The following CMIP variants were observed in gnomAD, a reference collection of about 807,000 sequenced individuals.
CMIP encodes the protein C-Maf-inducing protein.
CMIP carries 13 observed loss-of-function variants against 97.3 expected under a neutral mutation model. That is an observed-to-expected ratio of 0.13 (90% confidence interval 0.09 to 0.21). The LOEUF (loss-of-function observed/expected upper bound fraction) is 0.21. Among genes scored for constraint, CMIP ranks in the 10% least tolerant of loss-of-function variants. The pLI is 1.00. For synonymous variants in CMIP, 538 were observed against 436.3 expected (o/e 1.23, Z -2.91); for missense variants, 847 against 1,024.9 (o/e 0.83, Z 2.37).
chr16:81,677,535 G>C lies in CMIP; in HGVS notation c.1035-740G>C, dbSNP rs143759207. 4.1e-3 allele frequency among the ~76,000 whole-genome samples: 628 copies of C among 152,284 alleles called. 5 individuals are homozygous for C. The highest frequency in any genetic ancestry group is 0.024 in the Admixed American group (373 of 15,292). ...GCACGTTGGGAAGCAGTCAGAGGAG[G>C]GGCTTTAACCAGGTCAAGGCTCTGA... On this transcript the variant is annotated intron_variant, in intron 9 of 20. Coordinates refer to ENST00000537098, the MANE Select transcript of CMIP (RefSeq NM_198390.3).
At chr16:81,567,165 T>A (rs565835436) in intron 1 of CMIP, among the ~76,000 whole-genome samples, 1 of 152,250 alleles carries the variant, frequency 6.6e-6, no homozygotes, top group Admixed American at 6.5e-5. Context: ...TTCGGAGCCA[T>A]GTGTCCGGCT....
intron 1 of CMIP, among the ~76,000 whole-genome samples, chr16:81,594,570 CTG>C (rs1350081431): frequency 1.3e-5 from 2 of 152,094 alleles, no homozygotes; most frequent in Non-Finnish European, 2.9e-5. Context: ...CCTATATACA[CTG>C]TGTTTTTTCC....
At chr16:81,693,673 T>C (rs1906371112) in intron 13 of CMIP, among the ~76,000 whole-genome samples, 186 bp downstream of exon 13, 2 of 152,206 alleles carry the variant, frequency 1.3e-5, no homozygotes. Context: ...AGTGTTTTAC[T>C]GTAAACGCCG....
At chr16:81,549,197 G>C (rs2090606525) in intron 1 of CMIP, among the ~76,000 whole-genome samples, 1 of 152,250 alleles carries the variant, frequency 6.6e-6, no homozygotes, top group South Asian at 2.1e-4. Context: ...AGGATGAGGA[G>C]GGAGCCGGTC....
chr16:81,620,816 A>G (rs1316771858), intron 2 of CMIP, 60 bp from the exon 3 acceptor site: 38 of 1,604,784 alleles, frequency 2.4e-5, no homozygotes, highest in Non-Finnish European at 3.1e-5. Flanking sequence ...TGGCCTTGAA[A>G]TGCCCTGAGA....
chr16:81,606,555 G>T (rs149477652), intron 1 of CMIP, among the ~76,000 whole-genome samples: 2 of 152,034 alleles, frequency 1.3e-5, no homozygotes, highest in Non-Finnish European at 2.9e-5. Flanking sequence ...ATCTTGCCCC[G>T]CCCCTACTCC....
intron 1 of CMIP, among the ~76,000 whole-genome samples, chr16:81,594,602 G>T (rs967851922): frequency 1.6e-4 from 25 of 151,814 alleles, no homozygotes; most frequent in African/African-American, 5.3e-4. Context: ...ATATACCTAT[G>T]ATAAAGTTTT....
chr16:81,704,138 C>T (rs1206147557), intron 18 of CMIP, 53 bp downstream of exon 18: 1 of 1,519,918 alleles, frequency 6.6e-7, no homozygotes, highest in Non-Finnish European at 8.9e-7. Context: ...TTCACCTCTG[C>T]ACTCTCCTCC....
At chr16:81,579,890 A>C (rs886735924) in intron 1 of CMIP, among the ~76,000 whole-genome samples, 1 of 152,204 alleles carries the variant, frequency 6.6e-6, no homozygotes, top group East Asian at 1.9e-4. Flanking sequence ...CGGGAGGCGG[A>C]GCTTGCAGTG....
At chr16:81,672,678 C>T (rs572262616) in intron 9 of CMIP, among the ~76,000 whole-genome samples, 4 of 152,308 alleles carry the variant, frequency 2.6e-5, no homozygotes, top group African/African-American at 9.6e-5. Flanking sequence ...TGGGCTCAAG[C>T]CGTCCTCCCA....
chr16:81,545,817 C>T (rs952169936), intron 1 of CMIP, among the ~76,000 whole-genome samples: 2 of 152,202 alleles, frequency 1.3e-5, no homozygotes, highest in African/African-American at 2.4e-5. Flanking sequence ...GGTCTTTGCA[C>T]AGGATTTTCC....
chr16:81,677,580 G>A (rs551216602), intron 9 of CMIP, among the ~76,000 whole-genome samples: 15 of 152,192 alleles, frequency 9.9e-5, no homozygotes, highest in Non-Finnish European at 1.9e-4. Flanking sequence ...CCATTAAGAG[G>A]CCTAATTTCA....
At chr16:81,685,918 AC>A (rs1905335268) in intron 10 of CMIP, among the ~76,000 whole-genome samples, 1 of 151,718 alleles carries the variant, frequency 6.6e-6, no homozygotes, top group Non-Finnish European at 1.5e-5. Context: ...GAGCCGGGCC[AC>A]CCTCCTTGTG....
intron 1 of CMIP, among the ~76,000 whole-genome samples, chr16:81,595,845 A>G (rs2091546542): frequency 1.3e-5 from 2 of 152,118 alleles, no homozygotes; most frequent in African/African-American, 4.8e-5. Context: ...TGCTTTGAAT[A>G]CTTGTGTGCA....
Position 81,621,648 on chromosome 16 carries a change from G to A in CMIP, c.477+722G>A, listed in dbSNP as rs2091993599. 1 of 152,650 alleles carries A rather than the reference G, an allele frequency of 6.6e-6. No individual in the cohort carries two copies. Among genetic ancestry groups the A allele is most frequent in the Non-Finnish European group, 1.5e-5 (1 of 68,094 alleles). 9.5% of individuals were successfully genotyped at this position (152,650 alleles called of 1,614,324 possible). On this transcript the variant is annotated intron_variant, in intron 3 of 20. Coordinates refer to ENST00000537098, the MANE Select transcript of CMIP (RefSeq NM_198390.3). The surrounding 1 kb of genome is among the most constrained non-coding windows in gnomAD (Gnocchi z 4.1). ...TTCTGGTTTAGAACAAGCTTTGACA[G>A]GCCCCTGGCCCCACAGCGGGTATGG...
rs546244138 is a variant in CMIP, at chr16:81,448,870, C to G, written c.300+3329C>G. On this transcript the variant is annotated intron_variant, in intron 1 of 20. Coordinates refer to ENST00000537098, the MANE Select transcript of CMIP (RefSeq NM_198390.3). The stretch of plus-strand genomic sequence containing the variant: ...CCAGGCTGTGGCCTGAATGTGGTGC[C>G]CCATTCCCTCTTTGTACCCAAACTT... 4.6e-5 allele frequency among the ~76,000 whole-genome samples: 7 copies of G among 152,358 alleles called. No homozygotes were observed. In the East Asian group the frequency reaches 1.3e-3, roughly 29 times the overall value.
intron 1 of CMIP, among the ~76,000 whole-genome samples, chr16:81,445,994 C>T (rs896788663): frequency 6.6e-6 from 1 of 151,920 alleles, no homozygotes; most frequent in Admixed American, 6.5e-5. Flanking sequence ...ACAACAAAAC[C>T]TCCAAACCCC....
chr16:81,528,846 A>G (rs2090179764), intron 1 of CMIP, among the ~76,000 whole-genome samples: 2 of 152,082 alleles, frequency 1.3e-5, no homozygotes, highest in Admixed American at 6.5e-5. Context: ...CTTTCACTCA[A>G]CAAATATTTG....
chr16:81,641,535 C>G (rs2092306935), intron 3 of CMIP, among the ~76,000 whole-genome samples: 2 of 152,192 alleles, frequency 1.3e-5, no homozygotes, highest in South Asian at 4.1e-4. Flanking sequence ...GACACCAAGG[C>G]CAGCTTATCT....
Sources: gnomAD v4.1 joint callset for allele counts (sites outside exome capture counted in the v4.1 genomes callset) on GRCh38, gnomAD v4.1.1 for gene constraint, Gnocchi (gnomAD v3.1) non-coding constraint, MANE v1.5 for transcripts, NCBI Gene and HGNC (gene_info 2026-07-23, HGNC 2026-07-21) for gene names.